Variants in HTR2C observed in about 807,000 individuals in gnomAD.
The protein encoded by HTR2C is 5-hydroxytryptamine (serotonin) receptor 2C, G protein-coupled.
HTR2C carries 5 observed loss-of-function variants against 21.0 expected under a neutral mutation model. That is an observed-to-expected ratio of 0.24 (90% CI 0.12 to 0.50). The LOEUF is 0.50. Among genes scored for constraint, HTR2C ranks in the 20% least tolerant of loss-of-function variants. The pLI is 0.98. For synonymous variants in HTR2C, 150 were observed against 145.3 expected (o/e 1.03, Z -0.23); for missense variants, 271 against 371.2 (o/e 0.73, Z 2.22).
Position 114,668,909 on chromosome X carries a change from T to A in HTR2C, c.-80+55028T>A, listed in dbSNP as rs1556411249. ...AAATAATATAATATATACAATGTAA[T>A]ATATATAACATGTGTATATAGTTAA... is the stretch of plus-strand genomic sequence containing the variant. On this transcript the variant is annotated intron_variant, in intron 2 of 5. Transcript: ENST00000276198. Among the ~76,000 whole-genome samples the A allele has an allele frequency of 2.7e-5, 3 of 111,342 alleles. No homozygotes were observed. In the East Asian group the frequency reaches 8.4e-4, roughly 31 times the overall value.
intron 4 of HTR2C, chrX:114,775,480 T>G (rs2070047989): frequency 2.0e-6 from 1 of 503,509 alleles, no homozygotes; most frequent in African/African-American, 2.3e-5. Context: ...TCAGAATAGA[T>G]AGGCTGTCAG....
In HTR2C at chrX:114,710,721, C is replaced by T. The variant is rs782799760; in HGVS notation, c.-79-16137C>T. ...ACTCAACTGAGAGGAGTTTTTTATT[C>T]CCTTTTCTATTTATCTTAGGGCAAC... On this transcript the variant is annotated intron_variant, in intron 2 of 5. Transcript: ENST00000276198. 4.0e-4 allele frequency among the ~76,000 whole-genome samples: 45 copies of T among 111,278 alleles called. No homozygotes were observed. In the South Asian group the frequency reaches 0.016, roughly 40 times the overall value.
At chrX:114,840,997 C>T (rs782451036) in intron 4 of HTR2C, among the ~76,000 whole-genome samples, 4 of 111,501 alleles carry the variant, frequency 3.6e-5, no homozygotes, top group Admixed American at 9.5e-5. Flanking sequence ...AATGAAGCAC[C>T]AGTTCATCAG....
chrX:114,833,578 G>C lies in HTR2C; in HGVS notation c.350-14425G>C, dbSNP rs1480379604. 2.7e-5 allele frequency among the ~76,000 whole-genome samples: 3 copies of C among 110,285 alleles called. No individual in the cohort carries two copies. The East Asian group carries it at 8.6e-4, about 32-fold the overall frequency. ...TTATCATTTTTTATTGTGTCTATTT[G>C]ATTCTTCTCTCTTTTTTTCTTTATT... On this transcript the variant is annotated intron_variant, in intron 4 of 5. Transcript: ENST00000276198.
chrX:114,722,670 T>C (rs1261951053), intron 2 of HTR2C, among the ~76,000 whole-genome samples: 2 of 104,492 alleles, frequency 1.9e-5, no homozygotes, highest in African/African-American at 3.4e-5. Flanking sequence ...ATAGCTCTTA[T>C]TATTTTGAGA....
At chrX:114,774,914 C>T in intron 4 of HTR2C, 1 of 542,007 alleles carries the variant, frequency 1.8e-6, no homozygotes, top group East Asian at 3.4e-5. Context: ...GGCATTCCTC[C>T]AGGCATGCCT....
rs2070886799 is a variant in HTR2C, at chrX:114,847,937, A to T, written c.350-66A>T. ...ATTATGAGAAAATATAAGCAGACTA[A>T]AATTTGAGACTATAGTCAGTACAAT... On this transcript the variant is annotated intron_variant, in intron 4 of 5. Transcript: ENST00000276198. 3 of 863,635 alleles carry T rather than the reference A, an allele frequency of 3.5e-6. No individual in the cohort carries two copies. In the Admixed American group the frequency reaches 8.8e-5, roughly 25 times the overall value. 71.2% of individuals were successfully genotyped at this position (863,635 alleles called of 1,213,427 possible).
intron 2 of HTR2C, among the ~76,000 whole-genome samples, chrX:114,726,440 G>A (rs1219639650): frequency 5.3e-5 from 6 of 112,168 alleles, no homozygotes; most frequent in Admixed American, 3.8e-4. Flanking sequence ...AGATGAAGCC[G>A]GTATCTCAGG....
chrX:114,627,116 A>G (rs1450693640), intron 2 of HTR2C, among the ~76,000 whole-genome samples: 16 of 112,045 alleles, frequency 1.4e-4, no homozygotes, highest in African/African-American at 4.2e-4. Flanking sequence ...GATGTAAGCT[A>G]GTTTTTAAAA....
chrX:114,732,872 T>G (rs2069549906), intron 4 of HTR2C, among the ~76,000 whole-genome samples: 1 of 111,696 alleles, frequency 9.0e-6, no homozygotes, highest in African/African-American at 3.3e-5. Context: ...AACATATCTA[T>G]TCCCCTGCCC....
chrX:114,738,509 G>C (rs1447416075), intron 4 of HTR2C, among the ~76,000 whole-genome samples: 2 of 104,190 alleles, frequency 1.9e-5, no homozygotes, highest in Admixed American at 1.0e-4. Context: ...TACTATTCTA[G>C]TAACATTGTG....
chrX:114,904,313 G>C (rs782267522), intron 5 of HTR2C, among the ~76,000 whole-genome samples: 133 of 111,666 alleles, frequency 1.2e-3, no homozygotes, highest in Non-Finnish European at 2.2e-3. Context: ...CCAGCTCCAA[G>C]ATTTATCAGC....
chrX:114,723,408 TTTTC>T (rs1217274637), intron 2 of HTR2C, among the ~76,000 whole-genome samples: 8 of 111,831 alleles, frequency 7.2e-5, no homozygotes, highest in African/African-American at 9.8e-5. Context: ...TTCTCTCTTT[TTTTC>T]TTTATTAGTC....
intron 2 of HTR2C, among the ~76,000 whole-genome samples, chrX:114,683,854 C>T (rs782441322): frequency 2.7e-5 from 3 of 111,600 alleles, no homozygotes; most frequent in South Asian, 3.7e-4. Context: ...TCAGACAATG[C>T]GACCTAGTAA....
chrX:114,824,153 A>G (rs1429266355), intron 4 of HTR2C, among the ~76,000 whole-genome samples: 1 of 111,862 alleles, frequency 8.9e-6, no homozygotes, highest in Non-Finnish European at 1.9e-5. Context: ...TGTGATTGCA[A>G]AGGGAGAAAG....
intron 2 of HTR2C, among the ~76,000 whole-genome samples, chrX:114,705,359 G>T (rs186828180): frequency 9.0e-6 from 1 of 110,783 alleles, no homozygotes; most frequent in Non-Finnish European, 1.9e-5. Context: ...CCAAAACAGA[G>T]ATATAGATCA....
chrX:114,806,410 A>AACT (rs2070438141), intron 4 of HTR2C, among the ~76,000 whole-genome samples: 2 of 58,042 alleles, frequency 3.4e-5, no homozygotes, highest in African/African-American at 7.1e-5. Context: ...TATATACACC[A>AACT]TATATATATA....
chrX:114,813,611 T>C (rs1390702854), intron 4 of HTR2C, among the ~76,000 whole-genome samples: 14 of 111,710 alleles, frequency 1.3e-4, no homozygotes, highest in African/African-American at 4.6e-4. Flanking sequence ...GATCTCTTTC[T>C]GTAGCAAGGA....
intron 2 of HTR2C, among the ~76,000 whole-genome samples, chrX:114,697,490 C>T (rs1299001182): frequency 1.2e-4 from 13 of 112,239 alleles, no homozygotes. Context: ...CTTTGTCCTT[C>T]AGAACATAAC....
Sources: gnomAD v4.1 joint callset for allele counts (sites outside exome capture counted in the v4.1 genomes callset) on GRCh38, gnomAD v4.1.1 for gene constraint, MANE v1.5 for transcripts, NCBI Gene and HGNC (gene_info 2026-07-23, HGNC 2026-07-21) for gene names.